Variants in SAMD4A observed in about 807,000 individuals in gnomAD.
SAMD4A encodes protein Smaug homolog 1.
A neutral mutation model predicts 81.3 loss-of-function variants in SAMD4A; 33 were observed. That is an observed-to-expected ratio of 0.41 (90% CI 0.31 to 0.54). SAMD4A has a LOEUF of 0.54. SAMD4A is among the 20% of genes least tolerant of loss of function. The probability of loss-of-function intolerance (pLI) is 0.37; values close to 1 mark genes in which losing one functional copy is unlikely to be tolerated. For missense variants in SAMD4A, 854 were observed against 951.1 expected (o/e 0.90, Z 1.34); for synonymous variants, 389 against 382.1 (o/e 1.02, Z -0.21).
rs1566618111 is a variant in SAMD4A, at chr14:54,749,529, AT to A, written c.1089+606del. On this transcript the variant is annotated intron_variant, in intron 5 of 12. Transcript: ENST00000554335. ...TATTTTTTTCTTCTAACATGAGACA[AT>A]CATTGAGAATGAGATTTCCATAGGT... 5.3e-5 allele frequency among the ~76,000 whole-genome samples: 8 copies of A among 152,298 alleles called. No homozygotes were observed. In the South Asian group the frequency reaches 1.7e-3, roughly 32 times the overall value.
chr14:54,726,667 C>T (rs189441268), intron 3 of SAMD4A, among the ~76,000 whole-genome samples: 196 of 152,184 alleles, frequency 1.3e-3, no homozygotes, highest in African/African-American at 4.6e-3. Flanking sequence ...CCCTGGCTAT[C>T]GATTAAAGCC....
intron 3 of SAMD4A, among the ~76,000 whole-genome samples, chr14:54,704,339 A>T (rs1344690091): frequency 6.6e-6 from 1 of 152,198 alleles, no homozygotes; most frequent in Non-Finnish European, 1.5e-5. Flanking sequence ...GCTGGGAGAG[A>T]TGCAAACTCT....
chr14:54,643,887 C>G (rs1030957811), intron 2 of SAMD4A, among the ~76,000 whole-genome samples: 11 of 151,986 alleles, frequency 7.2e-5, no homozygotes, highest in Non-Finnish European at 1.5e-4. Flanking sequence ...GCCTTTCCAC[C>G]AAAGAAAGAA....
rs1209664363 is a variant in SAMD4A, at chr14:54,702,365, A to G, written c.500A>G (p.Asp167Gly). Residue 167 changes from aspartate to glycine, a missense_variant, in exon 3 of 13, where the codon GAC becomes GGC. By Grantham distance (94) the Asp-to-Gly change is moderately conservative. Coordinates refer to ENST00000554335, the MANE Select transcript of SAMD4A (RefSeq NM_015589.6). The part of the protein sequence containing the change: ...SFGGQNRGRS[D>G]SVDYGQTHYY... Reference sequence around the variant, plus strand: ...GGTGGCCAGAACCGAGGCCGCTCAGACTCTGTGGATTATGGACAGACACAC... The same window carrying G: ...GGTGGCCAGAACCGAGGCCGCTCAGGCTCTGTGGATTATGGACAGACACAC... The G allele has an allele frequency of 1.2e-6, 2 of 1,614,012 alleles. No individual in the cohort carries two copies. Among genetic ancestry groups the G allele is most frequent in the African/African-American group, 2.7e-5 (2 of 74,916 alleles).
intron 3 of SAMD4A, among the ~76,000 whole-genome samples, chr14:54,720,851 C>T (rs1168191371): frequency 6.6e-6 from 1 of 152,134 alleles, no homozygotes; most frequent in African/African-American, 2.4e-5. Context: ...TCCTGAGCTT[C>T]ATGGAAGTTC....
chr14:54,786,221 G>A (rs1017550442), intron 12 of SAMD4A, among the ~76,000 whole-genome samples: 1 of 152,222 alleles, frequency 6.6e-6, no homozygotes, highest in African/African-American at 2.4e-5. Flanking sequence ...ATTATGCTGA[G>A]TGAAACAAGC....
At chr14:54,750,189 G>A (rs2038068329) in intron 5 of SAMD4A, among the ~76,000 whole-genome samples, 1 of 152,152 alleles carries the variant, frequency 6.6e-6, no homozygotes, top group African/African-American at 2.4e-5. Context: ...AAATAATTGA[G>A]GGCAAAGCCA....
At chr14:54,641,990 G>A (rs976108710) in intron 2 of SAMD4A, among the ~76,000 whole-genome samples, 1 of 152,096 alleles carries the variant, frequency 6.6e-6, no homozygotes, top group Admixed American at 6.6e-5. Context: ...TAGAGAAAGG[G>A]TTTCACCATG....
At chr14:54,708,825 G>A (rs973425998) in intron 3 of SAMD4A, among the ~76,000 whole-genome samples, 3 of 152,182 alleles carry the variant, frequency 2.0e-5, no homozygotes, top group Non-Finnish European at 2.9e-5. Context: ...AGAGCACTTA[G>A]CACATGGTAG....
chr14:54,728,993 A>G (rs1347020487), intron 3 of SAMD4A, among the ~76,000 whole-genome samples: 2 of 152,196 alleles, frequency 1.3e-5, no homozygotes, highest in Non-Finnish European at 2.9e-5. Context: ...TCAAGACAGG[A>G]GTTAGTAGAC....
intron 9 of SAMD4A, among the ~76,000 whole-genome samples, chr14:54,774,676 T>G (rs2038791766): frequency 7.4e-6 from 1 of 134,606 alleles, no homozygotes; most frequent in African/African-American, 2.6e-5. Flanking sequence ...TAGCTGGGCA[T>G]GGTGGCACAT....
intron 4 of SAMD4A, among the ~76,000 whole-genome samples, chr14:54,738,250 T>C (rs951087767): frequency 1.3e-5 from 2 of 152,204 alleles, no homozygotes; most frequent in Non-Finnish European, 2.9e-5. Flanking sequence ...AGTGTTGACA[T>C]AGGAAGCTCT....
chr14:54,571,557 G>A (rs2033129021), intron 2 of SAMD4A, among the ~76,000 whole-genome samples: 1 of 152,104 alleles, frequency 6.6e-6, no homozygotes, highest in Admixed American at 6.5e-5. Flanking sequence ...TTTTCATAGA[G>A]ATTTATAAGT....
At chr14:54,639,470 C>T (rs955912181) in intron 2 of SAMD4A, among the ~76,000 whole-genome samples, 1 of 152,126 alleles carries the variant, frequency 6.6e-6, no homozygotes, top group Non-Finnish European at 1.5e-5. Flanking sequence ...GTGAGGGGGG[C>T]AAAGGAGGGA....
intron 3 of SAMD4A, among the ~76,000 whole-genome samples, chr14:54,728,191 C>G (rs1185293059): frequency 3.3e-5 from 5 of 152,148 alleles, no homozygotes; most frequent in Non-Finnish European, 7.3e-5. Flanking sequence ...TGCTGTTTCT[C>G]TGGGGCAGAG....
chr14:54,672,953 G>T (rs1255146499), intron 2 of SAMD4A, among the ~76,000 whole-genome samples: 2 of 152,184 alleles, frequency 1.3e-5, no homozygotes, highest in East Asian at 3.8e-4. Context: ...CATTTTGCCG[G>T]CATTAGAGAC....
At chr14:54,660,658 T>A (rs2035621562) in intron 2 of SAMD4A, among the ~76,000 whole-genome samples, 1 of 152,188 alleles carries the variant, frequency 6.6e-6, no homozygotes, top group Non-Finnish European at 1.5e-5. Flanking sequence ...ATGGAAGGAC[T>A]GGAGAAGACA....
Position 54,673,606 on chromosome 14 carries a change from G to A in SAMD4A, c.197-28456G>A, listed in dbSNP as rs547188831. 1.1e-4 allele frequency among the ~76,000 whole-genome samples: 16 copies of A among 152,252 alleles called. No homozygotes were observed. The South Asian group carries it at 2.5e-3, about 24-fold the overall frequency. On this transcript the variant is annotated intron_variant, in intron 2 of 12. Coordinates refer to ENST00000554335, the MANE Select transcript of SAMD4A (RefSeq NM_015589.6). Reference sequence around the variant, plus strand: ...GTCCACTGAATTCTCACCTGCTTTCGGGATGCCCAGGCATCACTGGGACAA... The same window carrying A: ...GTCCACTGAATTCTCACCTGCTTTCAGGATGCCCAGGCATCACTGGGACAA...
At chr14:54,771,594 G>A (rs977705163) in intron 9 of SAMD4A, among the ~76,000 whole-genome samples, 1 of 152,200 alleles carries the variant, frequency 6.6e-6, no homozygotes, top group Non-Finnish European at 1.5e-5. Flanking sequence ...GATTCCCGAT[G>A]GCCCAGATGA....
Sources: gnomAD v4.1 joint callset for allele counts (sites outside exome capture counted in the v4.1 genomes callset) on GRCh38, gnomAD v4.1.1 for gene constraint, MANE v1.5 for transcripts, NCBI Gene and HGNC (gene_info 2026-07-23, HGNC 2026-07-21) for gene names.